Variants in ENPP6 observed in about 807,000 individuals in gnomAD.
ENPP6 encodes ectonucleotide pyrophosphatase/phosphodiesterase 6, also known as glycerophosphocholine cholinephosphodiesterase ENPP6.
A neutral mutation model predicts 42.0 loss-of-function variants in ENPP6; 32 were observed. That is an observed-to-expected ratio of 0.76 (90% CI 0.58 to 1.02). The LOEUF is 1.02. Ranked by LOEUF, ENPP6 falls within the 50% of genes least tolerant of loss-of-function variation. The pLI is 0.00. For missense variants in ENPP6, 552 were observed against 566.8 expected (o/e 0.97, Z 0.27); for synonymous variants, 213 against 216.0 (o/e 0.99, Z 0.12).
intron 1 of ENPP6, among the ~76,000 whole-genome samples, chr4:184,185,790 C>T (rs1037601511): frequency 3.3e-5 from 5 of 152,224 alleles, no homozygotes; most frequent in Admixed American, 6.5e-5. Flanking sequence ...AGCAAAGGAA[C>T]ATGGCAACCA....
intron 1 of ENPP6, among the ~76,000 whole-genome samples, chr4:184,190,399 GAGAGC>G (rs1270841980): frequency 6.6e-6 from 1 of 152,192 alleles, no homozygotes; most frequent in Non-Finnish European, 1.5e-5. Context: ...CTGGGGAGAA[GAGAGC>G]AGAGAGAATC....
intron 2 of ENPP6, among the ~76,000 whole-genome samples, chr4:184,145,549 A>G (rs1736904214): frequency 6.6e-6 from 1 of 152,218 alleles, no homozygotes; most frequent in South Asian, 2.1e-4. Flanking sequence ...ACACCTGGCT[A>G]CATAATTAGG....
chr4:184,105,165 A>G (rs1177782427), intron 6 of ENPP6, among the ~76,000 whole-genome samples: 2 of 152,198 alleles, frequency 1.3e-5, no homozygotes, highest in Non-Finnish European at 2.9e-5. Context: ...CAACCAGAAA[A>G]ATTTTGGTTC....
chr4:184,140,291 T>G (rs1211988488), intron 2 of ENPP6, among the ~76,000 whole-genome samples: 2 of 151,212 alleles, frequency 1.3e-5, no homozygotes, highest in African/African-American at 4.9e-5. Flanking sequence ...GAAGAATCAA[T>G]ATCGTGAAAA....
chr4:184,215,345 G>T (rs1733180136), intron 1 of ENPP6, among the ~76,000 whole-genome samples: 1 of 152,178 alleles, frequency 6.6e-6, no homozygotes, highest in Non-Finnish European at 1.5e-5. Flanking sequence ...ATGCTCAAAT[G>T]CTCAAACCAT....
intron 1 of ENPP6, among the ~76,000 whole-genome samples, chr4:184,157,423 T>TCTTTCTCTC (rs1206364106): frequency 8.1e-5 from 5 of 61,662 alleles, no homozygotes; most frequent in Non-Finnish European, 1.3e-4. Context: ...CTTTCTTTCT[T>TCTTTCTCTC]TCTTTCCTTT....
intron 1 of ENPP6, among the ~76,000 whole-genome samples, chr4:184,195,295 G>A (rs941291390): frequency 5.9e-5 from 9 of 152,042 alleles, no homozygotes; most frequent in Admixed American, 1.3e-4. Flanking sequence ...TCCGCTGTCC[G>A]ATAGGCCCCA....
chr4:184,104,314 C>A (rs1200350785), intron 6 of ENPP6, among the ~76,000 whole-genome samples: 1 of 152,234 alleles, frequency 6.6e-6, no homozygotes, highest in Non-Finnish European at 1.5e-5. Flanking sequence ...TATCCTTTTC[C>A]AGTTTTCAAA....
At chr4:184,200,320 C>G (rs997889421) in intron 1 of ENPP6, among the ~76,000 whole-genome samples, 4 of 152,326 alleles carry the variant, frequency 2.6e-5, no homozygotes, top group East Asian at 1.9e-4. Context: ...GTGTGCTGCT[C>G]TCCCGAGCCA....
rs1239336361 is a variant in ENPP6 at position 184,091,255 on chromosome 4, C to G, written c.1245G>C (p.Lys415Asn). The change falls in exon 8 of 8, where the codon AAG (lysine) becomes AAC (asparagine). Residue 415 changes from lysine (K) to asparagine (N), a missense_variant. Lys to Asn is a moderately conservative substitution (Grantham distance 94). Coordinates refer to ENST00000296741, the MANE Select transcript of ENPP6 (RefSeq NM_153343.4). ...GSWSRVMCML[K>N]GRASTAPPVW... ...CAGGCGGGGCAGTGCTGGCGCGGCC[C>G]TTCAGCATGCACATCACCCTGGACC... 1.2e-6 allele frequency: 2 copies of G among 1,610,048 alleles called. No homozygotes were observed. Among genetic ancestry groups the G allele is most frequent in the Admixed American group, 3.3e-5 (2 of 59,706 alleles).
At position 184,146,914 on chromosome 4, in the gene ENPP6, C is replaced by T. The variant is rs1736936615; in HGVS notation, c.421+6640G>A. On this transcript the variant is annotated intron_variant, in intron 2 of 7. Coordinates refer to ENST00000296741, the MANE Select transcript of ENPP6 (RefSeq NM_153343.4). Reference sequence around the variant, plus strand: ...CAATTAGATTTCCTCAAGGCTGTGTCCAGGACCCTTTTTTCTTTCCAGTTC... The same window carrying T: ...CAATTAGATTTCCTCAAGGCTGTGTTCAGGACCCTTTTTTCTTTCCAGTTC... Among the ~76,000 whole-genome samples, 3 of 152,148 alleles carry T rather than the reference C, an allele frequency of 2.0e-5. No homozygotes were observed. In the South Asian group the frequency reaches 6.2e-4, roughly 32 times the overall value.
chr4:184,162,316 G>A (rs1207619161), intron 1 of ENPP6, among the ~76,000 whole-genome samples: 6 of 152,156 alleles, frequency 3.9e-5, no homozygotes, highest in Non-Finnish European at 7.4e-5. Context: ...AAGAAAGGAA[G>A]GAAGAAACTT....
At chr4:184,202,029 G>A (rs1225362401) in intron 1 of ENPP6, among the ~76,000 whole-genome samples, 1 of 152,076 alleles carries the variant, frequency 6.6e-6, no homozygotes, top group South Asian at 2.1e-4. Flanking sequence ...CATTTACTGG[G>A]GTCCACTAGG....
chr4:184,130,570 A>T, intron 2 of ENPP6, among the ~76,000 whole-genome samples: 1 of 135,502 alleles, frequency 7.4e-6, no homozygotes, highest in Non-Finnish European at 1.6e-5. Context: ...ACAAAACAAA[A>T]CAAAAAAAAA....
At chr4:184,193,699 A>G (rs1009438623) in intron 1 of ENPP6, among the ~76,000 whole-genome samples, 1 of 152,222 alleles carries the variant, frequency 6.6e-6, no homozygotes, top group African/African-American at 2.4e-5. Context: ...AGATCCATAT[A>G]TGGGATCTAA....
At chr4:184,105,894 G>A (rs527598927) in intron 6 of ENPP6, among the ~76,000 whole-genome samples, 17 of 152,230 alleles carry the variant, frequency 1.1e-4, no homozygotes, top group East Asian at 1.9e-4. Context: ...AAGGATTTTC[G>A]TGGAACTGCT....
chr4:184,126,294 A>G (rs1158748402), intron 2 of ENPP6, among the ~76,000 whole-genome samples: 2 of 152,302 alleles, frequency 1.3e-5, no homozygotes, highest in East Asian at 3.9e-4. Context: ...CACCTGAGTA[A>G]TTTGCCCTTG....
intron 2 of ENPP6, among the ~76,000 whole-genome samples, chr4:184,130,385 T>A (rs7665687): frequency 7.2e-6 from 1 of 139,520 alleles, no homozygotes; most frequent in African/African-American, 2.7e-5. Flanking sequence ...GGTGAAACCC[T>A]GTCTCTACTA....
intron 6 of ENPP6, among the ~76,000 whole-genome samples, chr4:184,110,035 G>A (rs1480090997): frequency 6.6e-6 from 1 of 152,194 alleles, no homozygotes; most frequent in Non-Finnish European, 1.5e-5. Flanking sequence ...CAGAGTACGG[G>A]ACGGAAGGAT....
Sources: allele counts gnomAD v4.1 joint callset (sites outside exome capture counted in the v4.1 genomes callset), GRCh38; gene constraint gnomAD v4.1.1; transcripts MANE v1.5; gene names NCBI Gene and HGNC (gene_info 2026-07-23, HGNC 2026-07-21).